Variants in VRK2 observed in about 807,000 individuals in gnomAD.
VRK2 encodes the protein serine/threonine-protein kinase VRK2.
Under a neutral mutation model 57.6 loss-of-function variants are expected in VRK2, and 60 were observed. The observed-to-expected ratio is 1.04, with a 90% CI of 0.85 to 1.29. The LOEUF is 1.29. Among genes scored for constraint, VRK2 ranks in the 50% most tolerant of loss-of-function variants. VRK2 has a pLI of 0.00. For synonymous variants in VRK2, 231 were observed against 199.2 expected, an observed-to-expected ratio of 1.16 and a Z score of -1.35; for missense variants, 705 against 588.1, an observed-to-expected ratio of 1.20 and a Z score of -2.06.
intron 2 of VRK2, among the ~76,000 whole-genome samples, chr2:58,067,145 T>C (rs1246146809): frequency 6.6e-6 from 1 of 152,194 alleles, no homozygotes; most frequent in Non-Finnish European, 1.5e-5. Context: ...CTTCAGCTTT[T>C]GGACTCCTGG....
intron 1 of VRK2, among the ~76,000 whole-genome samples, chr2:57,989,305 A>G (rs781412934): frequency 6.6e-6 from 1 of 152,230 alleles, no homozygotes; most frequent in African/African-American, 2.4e-5. Flanking sequence ...GTGTCCAGAA[A>G]GTGATTGGGT....
At chr2:58,030,796 A>G (rs1396819488) in intron 2 of VRK2, among the ~76,000 whole-genome samples, 1 of 152,078 alleles carries the variant, frequency 6.6e-6, no homozygotes, top group Non-Finnish European at 1.5e-5. Flanking sequence ...CATGGAGTTG[A>G]AAGTGATGCA....
intron 7 of VRK2, among the ~76,000 whole-genome samples, chr2:58,111,618 A>C (rs1386159924): frequency 6.6e-6 from 1 of 152,190 alleles, no homozygotes; most frequent in African/African-American, 2.4e-5. Context: ...ATGCATAGGG[A>C]GTAACTATTT....
At chr2:58,014,952 T>C (rs1673531433) in intron 1 of VRK2, among the ~76,000 whole-genome samples, 1 of 152,182 alleles carries the variant, frequency 6.6e-6, no homozygotes, top group African/African-American at 2.4e-5. Context: ...CACCTTGATT[T>C]TCCCTCAGTA....
In VRK2 at chr2:58,137,163, T is replaced by TC. The variant is rs1165658837; in HGVS notation, c.856+1964_856+1965insC. On this transcript the variant is annotated intron_variant, in intron 10 of 12. Coordinates refer to ENST00000340157, the MANE Select transcript of VRK2 (RefSeq NM_006296.7). ...ATCATATATATCATGTGTTTATATA[T>TC]ATCATATATCATATATATCATATAT... Among the ~76,000 whole-genome samples the TC allele has an allele frequency of 6.0e-3, 38 of 6,386 alleles. No homozygotes were observed. The East Asian group carries it at 0.13, about 21-fold the overall frequency. 4.2% of individuals were successfully genotyped at this position (6,386 alleles called of 152,430 possible).
At chr2:58,137,607 T>A (rs3771215) in intron 10 of VRK2, among the ~76,000 whole-genome samples, 24,083 of 151,978 alleles carry the variant, frequency 0.16, 2,021 homozygotes, top group East Asian at 0.2. Context: ...AACACAACCA[T>A]GAAAATGAAG....
intron 1 of VRK2, among the ~76,000 whole-genome samples, chr2:57,951,559 A>G (rs1572898358): frequency 6.6e-6 from 1 of 152,186 alleles, no homozygotes; most frequent in African/African-American, 2.4e-5. Context: ...ACACAGAGAA[A>G]TCTTTAATGA....
At chr2:57,913,451 G>A (rs1289276709) in intron 1 of VRK2, among the ~76,000 whole-genome samples, 1 of 152,050 alleles carries the variant, frequency 6.6e-6, no homozygotes, top group Non-Finnish European at 1.5e-5. Flanking sequence ...ATAGGAATGG[G>A]CCAATGTATC....
In VRK2 at chr2:58,119,916, C is replaced by G. The variant is rs549650820; in HGVS notation, c.544-3185C>G. Among the ~76,000 whole-genome samples, 223 of 151,922 alleles carry G rather than the reference C, an allele frequency of 1.5e-3. 2 individuals are homozygous for G. The highest frequency in any genetic ancestry group is 5.3e-3 in the African/African-American group (218 of 41,500). ...TCATTTTGCTAAAGGAGTCTCAACT[C>G]TGCTGTTTTCTTCAATAGCTTTTCG... On this transcript the variant is annotated intron_variant, in intron 7 of 12. Transcript: ENST00000340157.
At chr2:58,054,783 A>G (rs1009434392) in intron 2 of VRK2, among the ~76,000 whole-genome samples, 2 of 152,164 alleles carry the variant, frequency 1.3e-5, no homozygotes, top group African/African-American at 4.8e-5. Flanking sequence ...TGCAATTAGT[A>G]TTTCTTTAGA....
At chr2:57,944,082 C>CAA (rs78411160) in intron 1 of VRK2, among the ~76,000 whole-genome samples, 3 of 152,032 alleles carry the variant, frequency 2.0e-5, no homozygotes, top group Admixed American at 2.0e-4. Flanking sequence ...AGAACAACAA[C>CAA]AAAAAAAAAC....
intron 12 of VRK2, among the ~76,000 whole-genome samples, chr2:58,152,531 G>C (rs959746890): frequency 6.6e-6 from 1 of 151,874 alleles, no homozygotes; most frequent in Non-Finnish European, 1.5e-5. Context: ...ACATATCCCA[G>C]TATTTACAGT....
chr2:57,963,027 C>G (rs574682694), intron 1 of VRK2, among the ~76,000 whole-genome samples: 1 of 152,128 alleles, frequency 6.6e-6, no homozygotes. Flanking sequence ...GTCACTTACC[C>G]CTGCTAAACC....
chr2:58,016,394 G>A (rs1431706349), intron 1 of VRK2, among the ~76,000 whole-genome samples: 4 of 151,002 alleles, frequency 2.6e-5, no homozygotes, highest in East Asian at 1.9e-4. Flanking sequence ...TCTCCCAGGC[G>A]GGAATGCAGT....
At chr2:58,086,544 G>T (rs1671649858) in intron 5 of VRK2, 118 bp downstream of exon 5, 2 of 816,500 alleles carry the variant, frequency 2.4e-6, no homozygotes, top group South Asian at 4.2e-5. Context: ...CCACAAACTT[G>T]TATTGTCTTA....
At chr2:57,920,292 C>A (rs1670299644) in intron 1 of VRK2, among the ~76,000 whole-genome samples, 1 of 152,068 alleles carries the variant, frequency 6.6e-6, no homozygotes, top group East Asian at 1.9e-4. Context: ...TGACTCATAT[C>A]ATTTTTGGAC....
At chr2:58,148,041 T>C (rs529327797) in intron 12 of VRK2, among the ~76,000 whole-genome samples, 2 of 151,934 alleles carry the variant, frequency 1.3e-5, no homozygotes, top group Admixed American at 6.6e-5. Flanking sequence ...TGGACATGTT[T>C]CATTTCTCCT....
chr2:58,076,756 C>T lies in VRK2; in HGVS notation c.137-7333C>T, dbSNP rs1670171965. Among the ~76,000 whole-genome samples the T allele has an allele frequency of 2.0e-5, 3 of 151,638 alleles. No homozygotes were observed. In the South Asian group the frequency reaches 6.2e-4, roughly 31 times the overall value. ...CTATGGTTTTGCTCTCTTTCCAGTA[C>T]TCGCACAATTTTGTAAGAGGATTGT... On this transcript the variant is annotated intron_variant, in intron 2 of 12. Coordinates refer to ENST00000340157, the MANE Select transcript of VRK2 (RefSeq NM_006296.7).
intron 1 of VRK2, among the ~76,000 whole-genome samples, chr2:57,918,134 A>T (rs1670216765): frequency 6.6e-6 from 1 of 152,136 alleles, no homozygotes; most frequent in African/African-American, 2.4e-5. Flanking sequence ...AAAGCCACCA[A>T]CTGATGACAC....
Sources: gnomAD v4.1 joint callset for allele counts (sites outside exome capture counted in the v4.1 genomes callset) on GRCh38, gnomAD v4.1.1 for gene constraint, MANE v1.5 for transcripts, NCBI Gene and HGNC (gene_info 2026-07-23, HGNC 2026-07-21) for gene names.